The following POLD1 variants were observed in gnomAD, a reference collection of about 807,000 sequenced individuals.
POLD1 encodes the protein DNA polymerase delta catalytic subunit.
A neutral mutation model predicts 129.7 loss-of-function variants in POLD1; 79 were observed. The ratio of observed to expected loss-of-function variants is 0.61; its 90% confidence interval spans 0.51 to 0.73. POLD1 has a LOEUF of 0.73. POLD1 is among the 30% of genes least tolerant of loss of function. POLD1 has a pLI of 0.00. For synonymous variants in POLD1, 714 were observed against 683.3 expected (o/e 1.04, Z -0.70); for missense variants, 1,338 against 1,595.8 (o/e 0.84, Z 2.75).
Position 50,403,503 on chromosome 19 carries a change from C to T in POLD1, c.1148C>T (p.Thr383Ile), listed in dbSNP as rs201654210. 15 of 1,613,238 alleles carry T rather than the reference C, an allele frequency of 9.3e-6. No homozygotes were observed. The Admixed American group carries it at 2.5e-4, about 27-fold the overall frequency. Residue 383 changes from threonine (T) to isoleucine (I), a missense_variant, in exon 10 of 27, where the codon ACC (threonine) becomes ATC (isoleucine). Around this residue, in one of 3 missense-constraint regions of POLD1, gnomAD observed 720 missense variants for 1,002.6 expected, o/e 0.72. Coordinates refer to ENST00000440232, the MANE Select transcript of POLD1 (RefSeq NM_002691.4). The part of the protein sequence containing the change: ...KEEDLLQAWS[T>I]FIRIMDPDVI... Reference sequence around the variant, plus strand: ...TGCTCCCACCCCCAGGCCTGGTCCACCTTCATCCGTATCATGGACCCCGAC... The same window carrying T: ...TGCTCCCACCCCCAGGCCTGGTCCATCTTCATCCGTATCATGGACCCCGAC...
chr19:50,400,453 T>A (rs1034186580), intron 3 of POLD1, among the ~76,000 whole-genome samples: 3 of 149,648 alleles, frequency 2.0e-5, no homozygotes, highest in Non-Finnish European at 1.5e-5. Flanking sequence ...ACTCCTAACC[T>A]CAGGTGATCT....
chr19:50,416,719 C>G lies in POLD1; in HGVS notation c.3063C>G (p.His1021Gln), dbSNP rs2122498555. The change falls in exon 24 of 27, where the codon CAC becomes CAG. Residue 1021 changes from histidine to glutamine, a missense_variant. His to Gln is a conservative substitution (Grantham distance 24). Coordinates refer to ENST00000440232, the MANE Select transcript of POLD1 (RefSeq NM_002691.4). ...CCIGCRTVLS[H>Q]QGAVCEFCQP... ...TTGGCTGCCGCACAGTGCTCAGCCA[C>G]CAGGGTGAGCGGCCCTGGCCACTGG... is the stretch of plus-strand genomic sequence containing the variant. 6.5e-7 allele frequency: 1 copy of G among 1,533,230 alleles called. No individual in the cohort carries two copies. Among genetic ancestry groups the G allele is most frequent in the Non-Finnish European group, 8.7e-7 (1 of 1,143,074 alleles). The allele number at this position is 1,533,230 out of a possible 1,614,324, so 95.0% of individuals were successfully genotyped here.
Position 50,417,093 on chromosome 19 carries a change from AGGAGGTGAGAGGGCCG to A in POLD1, c.3120+6_3120+21del, listed in dbSNP as rs1064792944. On this transcript the variant is annotated splice_donor_variant and splice_donor_5th_base_variant and coding_sequence_variant and intron_variant, in exon 25 of 27. Transcript: ENST00000440232. LOFTEE classifies it high-confidence loss of function. The stretch of plus-strand genomic sequence containing the variant: ...CCCCGGGAGTCTGAGCTGTATCAGA[AGGAGGTGAGAGGGCCG>A]GGAGGTGAGGAGGGGCCAGGTGGGG... The A allele has an allele frequency of 6.4e-7, 1 of 1,559,738 alleles. No homozygotes were observed. Among genetic ancestry groups the A allele is most frequent in the Non-Finnish European group, 8.7e-7 (1 of 1,151,390 alleles).
Position 50,402,842 on chromosome 19 carries a change from G to T in POLD1, c.970+101G>T. ...AGGGAATGGCAAGCATGAAGGTGCC[G>T]GGGCAGGAGCACCCCAGCCCATGTG... On this transcript the variant is annotated intron_variant, in intron 8 of 26. Transcript: ENST00000440232. The T allele has an allele frequency of 8.9e-6, 13 of 1,467,876 alleles. No individual in the cohort carries two copies. In the South Asian group the frequency reaches 1.7e-4, roughly 19 times the overall value. The allele number at this position is 1,467,876 out of a possible 1,614,324, so 90.9% of individuals were successfully genotyped here.
intron 1 of POLD1, 24 bp from the exon 2 acceptor site, chr19:50,398,827 A>T: frequency 6.2e-7 from 1 of 1,604,490 alleles, no homozygotes; most frequent in Non-Finnish European, 8.5e-7. Flanking sequence ...CAGAACCTCC[A>T]CCAAGCTCCA....
At chr19:50,400,898 G>A (rs1363064482) in intron 3 of POLD1, among the ~76,000 whole-genome samples, 2 of 150,928 alleles carry the variant, frequency 1.3e-5, no homozygotes, top group South Asian at 2.1e-4. Context: ...GGGTTTCACC[G>A]TTTTAGCCAG....
chr19:50,397,508 A>G (rs951212005), intron 1 of POLD1, among the ~76,000 whole-genome samples: 1 of 150,560 alleles, frequency 6.6e-6, no homozygotes, highest in Admixed American at 6.6e-5. Flanking sequence ...AGGTTCAAGC[A>G]ATTCTCCTGT....
At chr19:50,402,824 G>A (rs1384923633) in intron 8 of POLD1, 83 bp downstream of exon 8, 1 of 1,520,678 alleles carries the variant, frequency 6.6e-7, no homozygotes, top group Non-Finnish European at 8.8e-7. Flanking sequence ...TGGAGGGAAT[G>A]GCAAGCATGA....
intron 20 of POLD1, 26 bp downstream of exon 20, chr19:50,415,016 T>C (rs2122468789): frequency 6.7e-7 from 1 of 1,498,282 alleles, no homozygotes; most frequent in South Asian, 1.3e-5. Context: ...TCCCTCAGAC[T>C]CAGGGGGCTG....
intron 1 of POLD1, among the ~76,000 whole-genome samples, chr19:50,390,841 C>T (rs2038132978): frequency 6.6e-6 from 1 of 151,088 alleles, no homozygotes; most frequent in Admixed American, 6.5e-5. Flanking sequence ...GCCCTTAATC[C>T]ATTTAACCCT....
intron 24 of POLD1, 101 bp downstream of exon 24, chr19:50,416,824 T>C: frequency 1.9e-6 from 2 of 1,028,644 alleles, no homozygotes; most frequent in Non-Finnish European, 2.8e-6. Context: ...TGCCACCCAG[T>C]GGGCCCAGGG....
In POLD1 at chr19:50,407,313, T is replaced by G; in HGVS notation, c.1687-14T>G. The stretch of plus-strand genomic sequence containing the variant: ...ACCTATACCCACTCCATTTCCCACC[T>G]TCTCCCCTCCCAGGCCATGCACGAG... On this transcript the variant is annotated splice_polypyrimidine_tract_variant and intron_variant, in intron 13 of 26. Transcript: ENST00000440232. The G allele has an allele frequency of 6.2e-7, 1 of 1,606,416 alleles. No individual in the cohort carries two copies. Among genetic ancestry groups the G allele is most frequent in the Non-Finnish European group, 8.5e-7 (1 of 1,175,348 alleles).
At position 50,407,421 on chromosome 19, in the gene POLD1, G is replaced by A. The variant is rs943447587; in HGVS notation, c.1775+6G>A. The A allele has an allele frequency of 4.4e-6, 7 of 1,583,412 alleles. No homozygotes were observed. The highest frequency in any genetic ancestry group is 2.3e-5 in the South Asian group (2 of 87,962). On this transcript the variant is annotated splice_donor_region_variant and intron_variant, in intron 14 of 26. Transcript: ENST00000440232. ...GTCATCGAGCCCCTCAAAGGGTGAG[G>A]CCCCAGGCTGGGTGCAGTTTTTACC...
chr19:50,394,600 A>T (rs910133653), intron 1 of POLD1, among the ~76,000 whole-genome samples: 2 of 151,998 alleles, frequency 1.3e-5, no homozygotes, highest in Non-Finnish European at 2.9e-5. Context: ...GGTTGCAGTG[A>T]GCCGAGATCA....
At chr19:50,400,377 C>T (rs1477375981) in intron 3 of POLD1, among the ~76,000 whole-genome samples, 2 of 149,556 alleles carry the variant, frequency 1.3e-5, no homozygotes, top group Admixed American at 6.7e-5. Context: ...CCCGCCATCA[C>T]GCCCGGCTAA....
At position 50,413,510 on chromosome 19, in the gene POLD1, A is replaced by G; in HGVS notation, c.2239A>G (p.Thr747Ala). Residue 747 changes from threonine to alanine, a missense_variant, in exon 18 of 27, where the codon ACC becomes GCC. By Grantham distance (58) the Thr-to-Ala change is moderately conservative. This residue lies in a region of POLD1 where 720 missense variants were observed against 1,002.6 expected (regional missense o/e 0.72). Transcript: ENST00000440232. ...GTACACAGTGGAGAATGGCTACAGCACCAGTGCCAAGGTCGGGGGCTGCCC... is the reference window on the plus strand; with the variant it reads ...GTACACAGTGGAGAATGGCTACAGCGCCAGTGCCAAGGTCGGGGGCTGCCC... ...SKYTVENGYSTSAKVVYGDTD... is the reference protein window; with the variant it reads ...SKYTVENGYSASAKVVYGDTD... 2 of 1,609,450 alleles carry G rather than the reference A, an allele frequency of 1.2e-6. No individual in the cohort carries two copies. Among genetic ancestry groups the G allele is most frequent in the Non-Finnish European group, 1.7e-6 (2 of 1,177,686 alleles).
chr19:50,414,002 G>T, intron 19 of POLD1, 123 bp downstream of exon 19: 1 of 1,071,628 alleles, frequency 9.3e-7, no homozygotes, highest in Non-Finnish European at 1.3e-6. Flanking sequence ...TTCTCCTGAG[G>T]CTGGGGCCTT....
intron 1 of POLD1, among the ~76,000 whole-genome samples, chr19:50,384,798 G>C (rs2037914623): frequency 6.6e-6 from 1 of 152,222 alleles, no homozygotes; most frequent in Admixed American, 6.5e-5. Context: ...CAAGTGATGA[G>C]TTTTAATAGA....
intron 22 of POLD1, 87 bp downstream of exon 22, chr19:50,415,913 G>A: frequency 9.5e-7 from 1 of 1,054,842 alleles, no homozygotes; most frequent in Non-Finnish European, 1.3e-6. Context: ...GGGAAGGGTG[G>A]GGCCTCCCGT....
Sources: allele counts gnomAD v4.1 joint callset (sites outside exome capture counted in the v4.1 genomes callset), GRCh38; gene constraint gnomAD v4.1.1; regional missense constraint gnomAD v4.1.1; transcripts MANE v1.5; gene names NCBI Gene and HGNC (gene_info 2026-07-23, HGNC 2026-07-21).